Variants in TLL2 observed in about 807,000 individuals in gnomAD.
TLL2 encodes tolloid like 2.
Under a neutral mutation model 123.0 loss-of-function variants are expected in TLL2, and 106 were observed. The ratio of observed to expected loss-of-function variants is 0.86; its 90% CI spans 0.74 to 1.01. TLL2 has a LOEUF of 1.01. Ranked by LOEUF, TLL2 falls within the 50% of genes least tolerant of loss-of-function variation. The pLI, the probability that TLL2 is intolerant of heterozygous loss-of-function variation, is 0.00. For synonymous variants in TLL2, 494 were observed against 516.8 expected (o/e 0.96, Z 0.60); for missense variants, 1,332 against 1,336.7 (o/e 1.00, Z 0.06).
At position 96,370,277 on chromosome 10, in the gene TLL2, C is replaced by G. The variant is rs1846069398; in HGVS notation, c.2701G>C (p.Glu901Gln). ...GRLKAEVQTK[E>Q]LYSHAQFGDN... ...CCAAACTGGGCGTGGGAATAGAGCT[C>G]TTTGGTCTGCACTTCAGCCTTCAGC... The change falls in exon 20 of 21, where the codon GAG (glutamate) becomes CAG (glutamine). Residue 901 changes from glutamate (E) to glutamine (Q), a missense_variant. By Grantham distance (29) the Glu-to-Gln change is conservative (BLOSUM62 2). Coordinates refer to ENST00000357947, the MANE Select transcript of TLL2 (RefSeq NM_012465.4). The G allele has an allele frequency of 6.2e-7, 1 of 1,604,324 alleles. No individual in the cohort carries two copies. Among genetic ancestry groups the G allele is most frequent in the Non-Finnish European group, 8.5e-7 (1 of 1,174,884 alleles).
chr10:96,484,195 C>T (rs910081247), intron 1 of TLL2, among the ~76,000 whole-genome samples: 2 of 152,268 alleles, frequency 1.3e-5, no homozygotes, highest in East Asian at 3.9e-4. Context: ...ACATGTGTCA[C>T]TTCCAAGCAG....
At chr10:96,430,286 A>G (rs1281134290) in intron 4 of TLL2, among the ~76,000 whole-genome samples, 1 of 151,536 alleles carries the variant, frequency 6.6e-6, no homozygotes, top group African/African-American at 2.4e-5. Flanking sequence ...TACCTACCCC[A>G]CCTCTCTCTT....
rs142713663 is a variant in TLL2 at position 96,397,278 on chromosome 10, G to A, written c.1292C>T (p.Pro431Leu). The change falls in exon 11 of 21, where the codon CCG becomes CTG. Residue 431 changes from proline to leucine, a missense_variant. Physicochemically the swap from Pro to Leu is moderately conservative, Grantham distance 98. Coordinates refer to ENST00000357947, the MANE Select transcript of TLL2 (RefSeq NM_012465.4). ...LLGRFCGDKI[P>L]EPLVSTDSRL... is the part of the protein sequence containing the mutation. ...GCTGTCCGTGGAGACGAGGGGCTCC[G>A]GGATCTTATCGCCACAAAACCTGCC... 3.7e-4 allele frequency: 594 copies of A among 1,613,364 alleles called. 3 individuals carry two copies. Among genetic ancestry groups the A allele is most frequent in the Non-Finnish European group, 4.4e-4 (522 of 1,179,644 alleles).
chr10:96,504,703 T>C (rs1303433030), intron 1 of TLL2, among the ~76,000 whole-genome samples: 3 of 152,182 alleles, frequency 2.0e-5, no homozygotes, highest in Non-Finnish European at 4.4e-5. Context: ...ATTCTCACAC[T>C]ACTGTAAAGA....
chr10:96,418,704 AATATATATGT>A (rs1846589547), intron 7 of TLL2, among the ~76,000 whole-genome samples: 1 of 148,386 alleles, frequency 6.7e-6, no homozygotes, highest in South Asian at 2.1e-4. Flanking sequence ...TATATATATG[AATATATATGT>A]ATATATAAAT....
intron 20 of TLL2, among the ~76,000 whole-genome samples, chr10:96,369,621 T>C (rs12245611): frequency 0.055 from 8,357 of 151,158 alleles, 453 homozygotes; most frequent in African/African-American, 0.14. Context: ...ATTAGGTGGG[T>C]GTGGTGGCGC....
intron 2 of TLL2, among the ~76,000 whole-genome samples, 194 bp from the exon 3 acceptor site, chr10:96,446,362 C>T (rs1029337229): frequency 1.3e-5 from 2 of 152,224 alleles, no homozygotes; most frequent in African/African-American, 2.4e-5. Flanking sequence ...AAAAACGAAC[C>T]TGCTTTGTTT....
rs753965633 is a variant in TLL2 at position 96,368,205 on chromosome 10, G to C, written c.2931C>G (p.Tyr977Ter). The stretch of plus-strand genomic sequence containing the variant: ...GAATCATCAGGGAATCACCTGCAGA[G>C]TAGATTTCTTCTAATGGCTGAGGAA... The part of the protein sequence containing the change: ...FCGSGPLEEI[Y>*]SAGDSLMIRF... Residue 977 changes from tyrosine to a stop codon, truncating the protein, a stop_gained, in exon 21 of 21, where the codon TAC becomes TAG. Coordinates refer to ENST00000357947, the MANE Select transcript of TLL2 (RefSeq NM_012465.4). LOFTEE classifies it high-confidence loss of function. 1.9e-6 allele frequency: 3 copies of C among 1,614,112 alleles called. No homozygotes were observed. The highest frequency in any genetic ancestry group is 2.5e-6 in the Non-Finnish European group (3 of 1,180,034).
Position 96,513,587 on chromosome 10 carries a change from G to A in TLL2, c.99C>T (p.Thr33=). 6.2e-7 allele frequency: 1 copy of A among 1,607,772 alleles called. No homozygotes were observed. Among genetic ancestry groups the A allele is most frequent in the Non-Finnish European group, 8.5e-7 (1 of 1,179,286 alleles). The change falls in exon 1 of 21, where the codon ACC becomes ACT. Residue 33 remains threonine, a synonymous_variant. Transcript: ENST00000357947. ...CGCCGTCCAGCTCTGAGTAGTCTGC[G>A]GTGGCGTCCGGGCGCTCCCCGAGTC... ...AGGLGERPDA[T]ADYSELDGEE... is the part of the protein sequence containing the mutation.
intron 1 of TLL2, among the ~76,000 whole-genome samples, chr10:96,500,717 C>T (rs1037977744): frequency 6.5e-5 from 9 of 137,426 alleles, no homozygotes; most frequent in Non-Finnish European, 9.3e-5. Context: ...GCCCGGGAGG[C>T]GGAGGCTGCA....
At position 96,443,331 on chromosome 10, in the gene TLL2, G is replaced by T. The variant is rs915148554; in HGVS notation, c.364+2760C>A. 3.3e-5 allele frequency among the ~76,000 whole-genome samples: 5 copies of T among 152,178 alleles called. No homozygotes were observed. In the East Asian group the frequency reaches 9.6e-4, roughly 29 times the overall value. On this transcript the variant is annotated intron_variant, in intron 3 of 20. Coordinates refer to ENST00000357947, the MANE Select transcript of TLL2 (RefSeq NM_012465.4). ...TTTGAGTCCAGGCCTTAAATGGACTGGCAACTTCTGTTCCTTCCCTCTGGG... is the reference window on the plus strand; with the variant it reads ...TTTGAGTCCAGGCCTTAAATGGACTTGCAACTTCTGTTCCTTCCCTCTGGG...
intron 2 of TLL2, among the ~76,000 whole-genome samples, chr10:96,464,119 T>G (rs1847107090): frequency 6.6e-6 from 1 of 151,990 alleles, no homozygotes; most frequent in Non-Finnish European, 1.5e-5. Context: ...ATCCCAACAC[T>G]TTGGGAGGCT....
intron 16 of TLL2, among the ~76,000 whole-genome samples, chr10:96,380,755 C>T (rs1245311848): frequency 7.2e-6 from 1 of 139,552 alleles, no homozygotes; most frequent in Non-Finnish European, 1.5e-5. Flanking sequence ...CGTGGTGGCT[C>T]ATGTCTGTAA....
intron 3 of TLL2, among the ~76,000 whole-genome samples, chr10:96,443,325 T>C (rs1376806320): frequency 6.6e-6 from 1 of 152,132 alleles, no homozygotes; most frequent in Non-Finnish European, 1.5e-5. Context: ...AGGCCTTAAA[T>C]GGACTGGCAA....
chr10:96,481,239 T>C (rs1414796020), intron 1 of TLL2, among the ~76,000 whole-genome samples: 1 of 152,074 alleles, frequency 6.6e-6, no homozygotes, highest in East Asian at 1.9e-4. Context: ...CTTGAAAGCC[T>C]GGGCTCAAGC....
intron 2 of TLL2, among the ~76,000 whole-genome samples, chr10:96,464,549 A>T (rs1354030579): frequency 6.6e-6 from 1 of 151,996 alleles, no homozygotes; most frequent in Non-Finnish European, 1.5e-5. Context: ...CTCACTTAGC[A>T]CGTGCCAGCC....
At chr10:96,425,246 T>C (rs1846667751) in intron 5 of TLL2, among the ~76,000 whole-genome samples, 1 of 149,620 alleles carries the variant, frequency 6.7e-6, no homozygotes, top group South Asian at 2.1e-4. Flanking sequence ...TAGCTACCTC[T>C]GTCATTACTG....
At position 96,472,498 on chromosome 10, in the gene TLL2, G is replaced by A. The variant is rs921265444; in HGVS notation, c.286+7851C>T. ...AAAGTTGGGCTGAGTGCAGTGGCTC[G>A]CACTTATAATCCCAATACTTTGGGA... On this transcript the variant is annotated intron_variant, in intron 2 of 20. Coordinates refer to ENST00000357947, the MANE Select transcript of TLL2 (RefSeq NM_012465.4). Among the ~76,000 whole-genome samples the A allele has an allele frequency of 6.6e-5, 10 of 152,098 alleles. No individual in the cohort carries two copies. The East Asian group carries it at 1.3e-3, about 20-fold the overall frequency.
At chr10:96,453,585 C>A (rs1846982269) in intron 2 of TLL2, among the ~76,000 whole-genome samples, 1 of 152,152 alleles carries the variant, frequency 6.6e-6, no homozygotes, top group Non-Finnish European at 1.5e-5. Context: ...AAGGCTATAG[C>A]AACTACATCC....
Sources: allele counts gnomAD v4.1 joint callset (sites outside exome capture counted in the v4.1 genomes callset), GRCh38; gene constraint gnomAD v4.1.1; transcripts MANE v1.5; gene names NCBI Gene and HGNC (gene_info 2026-07-23, HGNC 2026-07-21).